The following DLG2 variants were observed in gnomAD, a reference collection of about 807,000 sequenced individuals.
DLG2 encodes the protein discs large MAGUK scaffold protein 2, also known as disks large homolog 2.
Under a neutral mutation model 132.5 loss-of-function variants are expected in DLG2, and 45 were observed. The observed-to-expected ratio is 0.34, with a 90% CI of 0.27 to 0.44. The LOEUF is 0.44. Among genes scored for constraint, DLG2 ranks in the 20% least tolerant of loss-of-function variants. DLG2 has a pLI of 1.00. For missense variants in DLG2, 1,045 were observed against 1,196.9 expected (o/e 0.87, Z 1.87); for synonymous variants, 424 against 419.6 (o/e 1.01, Z -0.13).
At chr11:83,757,886 TA>T (rs916688328) in intron 18 of DLG2, among the ~76,000 whole-genome samples, 4 of 152,164 alleles carry the variant, frequency 2.6e-5, no homozygotes, top group African/African-American at 9.7e-5. Context: ...TAACCACCTG[TA>T]GAAAAGCTGG....
At chr11:84,827,907 T>C (rs2078545489) in intron 6 of DLG2, among the ~76,000 whole-genome samples, 1 of 151,680 alleles carries the variant, frequency 6.6e-6, no homozygotes. Flanking sequence ...ATCAAAACAA[T>C]TGAACTCATG....
intron 6 of DLG2, among the ~76,000 whole-genome samples, chr11:84,758,736 A>G (rs1482794725): frequency 6.6e-6 from 1 of 152,188 alleles, no homozygotes; most frequent in Non-Finnish European, 1.5e-5. Context: ...ACCTAGAAGA[A>G]CATATTAACA....
At chr11:83,583,016 C>T (rs2097010393) in intron 19 of DLG2, among the ~76,000 whole-genome samples, 1 of 152,134 alleles carries the variant, frequency 6.6e-6, no homozygotes, top group Admixed American at 6.6e-5. Context: ...GGGTACCAGC[C>T]TGAGGGTGTC....
chr11:84,524,699 T>G (rs183291738), intron 7 of DLG2, among the ~76,000 whole-genome samples: 21 of 152,290 alleles, frequency 1.4e-4, no homozygotes, highest in Non-Finnish European at 2.6e-4. Context: ...TTTTAAAGAT[T>G]ATTGCCTAAA....
chr11:84,946,053 G>GCT (rs1014092641), intron 6 of DLG2, among the ~76,000 whole-genome samples: 1 of 152,098 alleles, frequency 6.6e-6, no homozygotes, highest in Non-Finnish European at 1.5e-5. Context: ...AGGCCGGAGG[G>GCT]CTCTTCGGTC....
At chr11:85,479,500 C>A (rs958646691) in intron 3 of DLG2, among the ~76,000 whole-genome samples, 1 of 152,148 alleles carries the variant, frequency 6.6e-6, no homozygotes, top group African/African-American at 2.4e-5. Context: ...AAGTCTATAA[C>A]AGTATCCATA....
At chr11:85,583,130 G>GTATGTATATA (rs2078715565) in intron 3 of DLG2, among the ~76,000 whole-genome samples, 1 of 13,596 alleles carries the variant, frequency 7.4e-5, no homozygotes, top group African/African-American at 2.0e-4. Context: ...GTGTGTGTGT[G>GTATGTATATA]TATATATATA....
At chr11:84,498,940 A>G (rs2099193854) in intron 7 of DLG2, among the ~76,000 whole-genome samples, 1 of 152,184 alleles carries the variant, frequency 6.6e-6, no homozygotes, top group Non-Finnish European at 1.5e-5. Flanking sequence ...CTTTTGTCCA[A>G]TACACTGAAG....
intron 6 of DLG2, among the ~76,000 whole-genome samples, chr11:84,692,331 G>C (rs147069319): frequency 2.1e-3 from 312 of 151,630 alleles, no homozygotes; most frequent in African/African-American, 7.1e-3. Flanking sequence ...AGTCCTAATT[G>C]GTCATTAAAT....
At chr11:83,613,228 A>G (rs2060358562) in intron 19 of DLG2, among the ~76,000 whole-genome samples, 1 of 152,220 alleles carries the variant, frequency 6.6e-6, no homozygotes, top group South Asian at 2.1e-4. Flanking sequence ...AGACTGGAGC[A>G]GTAAGAACCA....
chr11:83,493,782 A>G (rs977712824), intron 21 of DLG2, among the ~76,000 whole-genome samples: 1 of 152,156 alleles, frequency 6.6e-6, no homozygotes, highest in Non-Finnish European at 1.5e-5. Context: ...TCAATGATCA[A>G]TGCAGAAACT....
At chr11:84,343,999 G>T (rs1424178015) in intron 7 of DLG2, among the ~76,000 whole-genome samples, 1 of 152,136 alleles carries the variant, frequency 6.6e-6, no homozygotes, top group Non-Finnish European at 1.5e-5. Flanking sequence ...CCTGTTGAGT[G>T]ATGTGCCCAG....
intron 5 of DLG2, among the ~76,000 whole-genome samples, chr11:85,113,202 T>C (rs1167563819): frequency 6.6e-6 from 1 of 152,056 alleles, no homozygotes; most frequent in Non-Finnish European, 1.5e-5. Flanking sequence ...AAGCTAATTT[T>C]GGCCATGTGC....
intron 6 of DLG2, among the ~76,000 whole-genome samples, chr11:84,690,451 T>C (rs1271308527): frequency 2.0e-5 from 3 of 151,078 alleles, no homozygotes; most frequent in African/African-American, 7.3e-5. Flanking sequence ...ATACTTAGAT[T>C]GGAAAAAAAA....
At chr11:84,878,319 A>G (rs1474394229) in intron 6 of DLG2, among the ~76,000 whole-genome samples, 1 of 152,202 alleles carries the variant, frequency 6.6e-6, no homozygotes, top group African/African-American at 2.4e-5. Context: ...AATGCCCATC[A>G]ATGATAGACT....
intron 7 of DLG2, among the ~76,000 whole-genome samples, chr11:84,350,824 A>G (rs949562755): frequency 6.6e-6 from 1 of 152,188 alleles, no homozygotes; most frequent in Non-Finnish European, 1.5e-5. Context: ...AATATTTGCT[A>G]AATAATTTGT....
At chr11:85,014,598 A>C (rs985452133) in intron 6 of DLG2, among the ~76,000 whole-genome samples, 1 of 152,146 alleles carries the variant, frequency 6.6e-6, no homozygotes, top group African/African-American at 2.4e-5. Flanking sequence ...AGCTATTTCT[A>C]CCCAGCAAGT....
chr11:84,039,596 C>A (rs1412177916), intron 11 of DLG2, among the ~76,000 whole-genome samples: 2 of 47,784 alleles, frequency 4.2e-5, no homozygotes, highest in African/African-American at 5.6e-5. Context: ...ATATGTGCCA[C>A]ATTTTCTTAA....
chr11:84,315,993 AC>A (rs1355555347), intron 7 of DLG2, among the ~76,000 whole-genome samples: 2 of 152,158 alleles, frequency 1.3e-5, no homozygotes, highest in Non-Finnish European at 2.9e-5. Context: ...TATGACAGTG[AC>A]TACAGGTGTA....
Sources: allele counts gnomAD v4.1 joint callset (sites outside exome capture counted in the v4.1 genomes callset), GRCh38; gene constraint gnomAD v4.1.1; transcripts MANE v1.5; gene names NCBI Gene and HGNC (gene_info 2026-07-23, HGNC 2026-07-21).